Variants in TPCN1 observed in about 807,000 individuals in gnomAD.
The protein encoded by TPCN1 is two pore segment channel 1.
In TPCN1, 52 loss-of-function variants were observed where a neutral mutation model predicts 108.8. The ratio of observed to expected loss-of-function variants is 0.48; its 90% confidence interval spans 0.38 to 0.60. TPCN1 has a LOEUF of 0.60. Among genes scored for constraint, TPCN1 ranks in the 20% least tolerant of loss-of-function variants. TPCN1 has a pLI of 0.00. For missense variants in TPCN1, 806 were observed against 1,072.8 expected (o/e 0.75, Z 3.47); for synonymous variants, 446 against 433.7 (o/e 1.03, Z -0.35).
intron 2 of TPCN1, among the ~76,000 whole-genome samples, chr12:113,228,537 C>G (rs543958489): frequency 6.6e-6 from 1 of 152,178 alleles, no homozygotes; most frequent in Admixed American, 6.5e-5. Context: ...ATTGCTTGAG[C>G]CCAGGAAGGT....
intron 2 of TPCN1, among the ~76,000 whole-genome samples, chr12:113,246,633 G>A (rs1954397548): frequency 6.6e-6 from 1 of 152,186 alleles, no homozygotes; most frequent in Non-Finnish European, 1.5e-5. Context: ...GCTAGCTGCC[G>A]GCCTTCTGGA....
intron 2 of TPCN1, among the ~76,000 whole-genome samples, chr12:113,227,242 T>C (rs1374708277): frequency 6.6e-6 from 1 of 152,220 alleles, no homozygotes. Context: ...TTGGCCTGCC[T>C]GTGGATGCTT....
intron 11 of TPCN1, 66 bp downstream of exon 11, chr12:113,277,101 A>C: frequency 1.3e-6 from 2 of 1,593,986 alleles, no homozygotes; most frequent in Non-Finnish European, 1.7e-6. Flanking sequence ...AGCAGCCCCT[A>C]AGCATGGCCA....
rs1048486986 is a variant in TPCN1, at chr12:113,272,649, C to T, written c.749-9C>T. 1.1e-5 allele frequency: 18 copies of T among 1,613,488 alleles called. No individual in the cohort carries two copies. Among genetic ancestry groups the T allele is most frequent in the Non-Finnish European group, 1.5e-5 (18 of 1,179,456 alleles). On this transcript the variant is annotated splice_polypyrimidine_tract_variant and intron_variant, in intron 7 of 27. Transcript: ENST00000335509. This position sits in a 1 kb window ranked among gnomAD's most constrained non-coding sequence, Gnocchi z 4.1. ...ATCCTTTTGTTTATCTGTTTCCACC[C>T]ACTTCTAGGTTTCTACTTGTTCTCC...
rs939057466 is a variant in TPCN1, at chr12:113,268,996, G to A, written c.659+124G>A. 14 of 1,089,718 alleles carry A rather than the reference G, an allele frequency of 1.3e-5. No homozygotes were observed. Among genetic ancestry groups the A allele is most frequent in the African/African-American group, 7.7e-5 (5 of 65,012 alleles). 67.5% of individuals were successfully genotyped at this position (1,089,718 alleles called of 1,614,324 possible). On this transcript the variant is annotated intron_variant, in intron 6 of 27. Coordinates refer to ENST00000335509, the MANE Select transcript of TPCN1 (RefSeq NM_017901.6). This position sits in a 1 kb window ranked among gnomAD's most constrained non-coding sequence, Gnocchi z 7.3. The stretch of plus-strand genomic sequence containing the variant: ...GACCCTGCATGCTGGTGGAGTACAC[G>A]CAGACTCACTCTCCCTCTGCCATTC...
At position 113,272,111 on chromosome 12, in the gene TPCN1, C is replaced by T. The variant is rs887632330; in HGVS notation, c.749-547C>T. On this transcript the variant is annotated intron_variant, in intron 7 of 27. Transcript: ENST00000335509. The surrounding 1 kb of genome is among the most constrained non-coding windows in gnomAD (Gnocchi z 4.1). ...TGGTAGAATTTTGTTTGTGCTTCTC[C>T]GGGGGTAGGGGCTGATTTCCCCTGA... is the stretch of plus-strand genomic sequence containing the variant. Among the ~76,000 whole-genome samples, 6 of 152,184 alleles carry T rather than the reference C, an allele frequency of 3.9e-5. No homozygotes were observed. The highest frequency in any genetic ancestry group is 1.9e-4 in the East Asian group (1 of 5,184).
chr12:113,222,786 G>A (rs1350610546), intron 1 of TPCN1, among the ~76,000 whole-genome samples: 1 of 152,044 alleles, frequency 6.6e-6, no homozygotes, highest in Non-Finnish European at 1.5e-5. Flanking sequence ...TTCCAGCGTG[G>A]CCCAGGGAAG....
chr12:113,297,156 C>T lies in TPCN1; in HGVS notation c.*1080C>T, dbSNP rs1357984373. 6.6e-6 allele frequency: 1 copy of T among 152,598 alleles called. No homozygotes were observed. Among genetic ancestry groups the T allele is most frequent in the East Asian group, 1.9e-4 (1 of 5,158 alleles). The allele number at this position is 152,598 out of a possible 1,614,324, so 9.5% of individuals were successfully genotyped here. A position where few individuals can be genotyped will look rare whatever the true frequency, so the allele number is the denominator to read the frequency against. Reference sequence around the variant, plus strand: ...TTCAGATGAACCTCAGTTAACGTCGCCACCCCTCCTCCCACCATGGTACCC... The same window carrying T: ...TTCAGATGAACCTCAGTTAACGTCGTCACCCCTCCTCCCACCATGGTACCC... On this transcript the variant is annotated 3_prime_UTR_variant, in exon 28 of 28. Transcript: ENST00000335509. This position sits in a 1 kb window ranked among gnomAD's most constrained non-coding sequence, Gnocchi z 4.4.
At chr12:113,230,884 C>T (rs1481409062) in intron 2 of TPCN1, among the ~76,000 whole-genome samples, 2 of 152,284 alleles carry the variant, frequency 1.3e-5, no homozygotes, top group South Asian at 2.1e-4. Context: ...TGTAAGGGCC[C>T]GAGTTAGAGG....
At position 113,285,903 on chromosome 12, in the gene TPCN1, C is replaced by A; in HGVS notation, c.1468C>A (p.Leu490Met). 1 of 1,614,148 alleles carries A rather than the reference C, an allele frequency of 6.2e-7. No homozygotes were observed. Among genetic ancestry groups the A allele is most frequent in the Non-Finnish European group, 8.5e-7 (1 of 1,179,988 alleles). Residue 490 changes from leucine to methionine, a missense_variant, in exon 18 of 28, where the codon CTG becomes ATG. Physicochemically the swap from Leu to Met is conservative, Grantham distance 15. Coordinates refer to ENST00000335509, the MANE Select transcript of TPCN1 (RefSeq NM_017901.6). ...LVFLTIYGVE[L>M]FLKVAGLGPV... Reference sequence around the variant, plus strand: ...TCTGTCCACAGTCTATGGGGTGGAGCTGTTCCTGAAGGTTGCCGGCCTGGG... The same window carrying A: ...TCTGTCCACAGTCTATGGGGTGGAGATGTTCCTGAAGGTTGCCGGCCTGGG...
chr12:113,279,168 C>T (rs1955776233), intron 14 of TPCN1, among the ~76,000 whole-genome samples: 1 of 151,110 alleles, frequency 6.6e-6, no homozygotes. Flanking sequence ...GGAAATTTAC[C>T]ACCCAGATAA....
chr12:113,273,751 G>A lies in TPCN1; in HGVS notation c.942+83G>A. 8.8e-7 allele frequency: 1 copy of A among 1,134,972 alleles called. No homozygotes were observed. Among genetic ancestry groups the A allele is most frequent in the Non-Finnish European group, 1.3e-6 (1 of 749,356 alleles). 70.3% of individuals were successfully genotyped at this position (1,134,972 alleles called of 1,614,324 possible). A position where few individuals can be genotyped will look rare whatever the true frequency, so the allele number is the denominator to read the frequency against. On this transcript the variant is annotated intron_variant, in intron 10 of 27. Coordinates refer to ENST00000335509, the MANE Select transcript of TPCN1 (RefSeq NM_017901.6). The surrounding 1 kb of genome is among the most constrained non-coding windows in gnomAD (Gnocchi z 4.0). ...AGGCACTGTGGGAGTGGAGAAGTGG[G>A]GACTGTCTTCTGCCTCTCAGGGCAG...
At position 113,244,328 on chromosome 12, in the gene TPCN1, G is replaced by T. The variant is rs190191204; in HGVS notation, c.113-16040G>T. The T allele has an allele frequency of 2.6e-5, 26 of 985,514 alleles. No homozygotes were observed. The African/African-American group carries it at 4.0e-4, about 15-fold the overall frequency. The allele number at this position is 985,514 out of a possible 1,614,324, so 61.0% of individuals were successfully genotyped here. On this transcript the variant is annotated intron_variant, in intron 2 of 27. Transcript: ENST00000335509. ...GGGCTGGAGGCCAGCAATTCAACTG[G>T]GAGGGCTCTGTGCCAGTTCTTGCCT...
chr12:113,290,539 A>G (rs541150903), intron 22 of TPCN1, among the ~76,000 whole-genome samples: 1 of 152,270 alleles, frequency 6.6e-6, no homozygotes, highest in East Asian at 1.9e-4. Flanking sequence ...CACTTGCAGA[A>G]TGGGACCCAG....
intron 1 of TPCN1, among the ~76,000 whole-genome samples, chr12:113,222,598 A>G (rs144086156): frequency 4.7e-4 from 72 of 152,366 alleles, no homozygotes; most frequent in African/African-American, 1.7e-3. Context: ...AAGGCAGTAC[A>G]GGCAGGCAAG....
chr12:113,279,779 T>C (rs1257002281), intron 14 of TPCN1, among the ~76,000 whole-genome samples: 3 of 152,126 alleles, frequency 2.0e-5, no homozygotes, highest in Non-Finnish European at 4.4e-5. Context: ...GCTTGTGTAG[T>C]GTAAAGTTTG....
Position 113,269,749 on chromosome 12 carries a change from C to T in TPCN1, c.660-8C>T. On this transcript the variant is annotated splice_region_variant and splice_polypyrimidine_tract_variant and intron_variant, in intron 6 of 27. Transcript: ENST00000335509. The surrounding 1 kb of genome is among the most constrained non-coding windows in gnomAD (Gnocchi z 5.0). The stretch of plus-strand genomic sequence containing the variant: ...GTGCCTCCCCTGAGCTGGCCCATCT[C>T]TCCCCAGCAACCTGCGGCAGATCTT... 6.2e-7 allele frequency: 1 copy of T among 1,612,916 alleles called. No individual in the cohort carries two copies. The highest frequency in any genetic ancestry group is 8.5e-7 in the Non-Finnish European group (1 of 1,179,888).
Position 113,245,616 on chromosome 12 carries a change from A to G in TPCN1, c.113-14752A>G, listed in dbSNP as rs1412430544. 3.3e-5 allele frequency among the ~76,000 whole-genome samples: 4 copies of G among 120,700 alleles called. 1 individual carries two copies. The highest frequency in any genetic ancestry group is 6.8e-5 in the Non-Finnish European group (4 of 59,124). The allele number at this position is 120,700 out of a possible 152,430, so 79.2% of individuals were successfully genotyped here. A position where few individuals can be genotyped will look rare whatever the true frequency, so the allele number is the denominator to read the frequency against. On this transcript the variant is annotated intron_variant, in intron 2 of 27. Coordinates refer to ENST00000335509, the MANE Select transcript of TPCN1 (RefSeq NM_017901.6). ...ACTCCGTCTCAAAAAAAAAAAAAAA[A>G]AAAAAGAAAAGAAAAGGGGTAGGCC... is the stretch of plus-strand genomic sequence containing the variant.
At chr12:113,275,743 T>C (rs1403874105) in intron 10 of TPCN1, among the ~76,000 whole-genome samples, 1 of 151,832 alleles carries the variant, frequency 6.6e-6, no homozygotes, top group African/African-American at 2.4e-5. Flanking sequence ...CGGCTAATTT[T>C]TTTTGTAGTT....
Sources: allele counts gnomAD v4.1 joint callset (sites outside exome capture counted in the v4.1 genomes callset), GRCh38; gene constraint gnomAD v4.1.1; non-coding constraint Gnocchi (gnomAD v3.1); transcripts MANE v1.5; gene names NCBI Gene and HGNC (gene_info 2026-07-23, HGNC 2026-07-21).